Variants in GRID2 observed in about 807,000 individuals in gnomAD.
The protein encoded by GRID2 is glutamate receptor ionotropic, delta-2.
A neutral mutation model predicts 114.8 loss-of-function variants in GRID2; 33 were observed. The observed-to-expected ratio is 0.29, with a 90% CI of 0.22 to 0.38. The LOEUF is 0.38. GRID2 is among the 10% of genes least tolerant of loss of function. GRID2 has a pLI of 1.00. For synonymous variants in GRID2, 505 were observed against 449.9 expected (o/e 1.12, Z -1.55); for missense variants, 1,184 against 1,257.7 (o/e 0.94, Z 0.89).
intron 13 of GRID2, among the ~76,000 whole-genome samples, chr4:93,546,957 G>C (rs1733281323): frequency 6.6e-6 from 1 of 151,992 alleles, no homozygotes; most frequent in Admixed American, 6.6e-5. Flanking sequence ...CTAATCAGAA[G>C]AAATTAATTC....
Position 93,210,118 on chromosome 4 carries a change from C to T in GRID2, c.789+2661C>T, listed in dbSNP as rs185350396. On this transcript the variant is annotated intron_variant, in intron 5 of 15. Coordinates refer to ENST00000282020, the MANE Select transcript of GRID2 (RefSeq NM_001510.4). ...GTTAGTTTAATTCAATTTTGTTTGT[C>T]GATTTTTGCTTTTGTTGCAATTGCT... Among the ~76,000 whole-genome samples, 11 of 151,948 alleles carry T rather than the reference C, an allele frequency of 7.2e-5. No homozygotes were observed. In the East Asian group the frequency reaches 1.2e-3, roughly 16 times the overall value.
chr4:93,580,798 G>C (rs1431153126), intron 13 of GRID2, among the ~76,000 whole-genome samples: 1 of 150,344 alleles, frequency 6.7e-6, no homozygotes, highest in African/African-American at 2.5e-5. Context: ...TTAATATCCA[G>C]TTCTCAAAAC....
At chr4:92,964,498 A>G (rs1293700946) in intron 2 of GRID2, among the ~76,000 whole-genome samples, 1 of 151,976 alleles carries the variant, frequency 6.6e-6, no homozygotes, top group Non-Finnish European at 1.5e-5. Context: ...ATGTATACCT[A>G]TGTAACAAAA....
chr4:93,026,642 G>A (rs780594942), intron 2 of GRID2, among the ~76,000 whole-genome samples: 9 of 151,736 alleles, frequency 5.9e-5, no homozygotes, highest in African/African-American at 9.7e-5. Context: ...CATTTGTGAG[G>A]TGTGCGTGTG....
chr4:92,691,990 G>C (rs1448984992), intron 2 of GRID2, among the ~76,000 whole-genome samples: 3 of 152,076 alleles, frequency 2.0e-5, no homozygotes, highest in Non-Finnish European at 4.4e-5. Flanking sequence ...AAGAACTGTT[G>C]CTTCATTTTA....
At chr4:93,643,928 A>T (rs7378156) in intron 14 of GRID2, among the ~76,000 whole-genome samples, 21,101 of 101,024 alleles carry the variant, frequency 0.21, 6,582 homozygotes, top group East Asian at 0.49. Flanking sequence ...GCCGCCTTGC[A>T]GTTTGATCTC....
intron 2 of GRID2, among the ~76,000 whole-genome samples, chr4:92,816,899 A>T (rs987508457): frequency 1.1e-4 from 16 of 152,176 alleles, no homozygotes; most frequent in African/African-American, 3.9e-4. Flanking sequence ...TATAGTGTGC[A>T]TGTATCTGCA....
At chr4:93,370,467 G>T (rs1416773113) in intron 8 of GRID2, among the ~76,000 whole-genome samples, 1 of 136,842 alleles carries the variant, frequency 7.3e-6, no homozygotes, top group Non-Finnish European at 1.6e-5. Context: ...ACACAAACAC[G>T]CACACAGAGA....
chr4:92,316,143 G>A (rs976387695), intron 1 of GRID2, among the ~76,000 whole-genome samples: 1 of 152,014 alleles, frequency 6.6e-6, no homozygotes, highest in Non-Finnish European at 1.5e-5. Flanking sequence ...TGGTTTAGTG[G>A]CAGTTGCTGT....
intron 2 of GRID2, among the ~76,000 whole-genome samples, chr4:92,868,513 G>C (rs1466897665): frequency 1.3e-5 from 2 of 152,264 alleles, no homozygotes; most frequent in East Asian, 1.9e-4. Context: ...TATTAAAACA[G>C]ATTAGTGGAA....
intron 2 of GRID2, among the ~76,000 whole-genome samples, chr4:92,694,644 T>G (rs576157139): frequency 6.6e-6 from 1 of 152,346 alleles, no homozygotes; most frequent in Admixed American, 6.5e-5. Flanking sequence ...CTTATTAATC[T>G]GACTTTTTCT....
chr4:93,270,561 T>A (rs1480992636), intron 8 of GRID2, among the ~76,000 whole-genome samples: 1 of 152,160 alleles, frequency 6.6e-6, no homozygotes, highest in Non-Finnish European at 1.5e-5. Flanking sequence ...TGGAGAAGAA[T>A]TCAGCCTCAC....
intron 2 of GRID2, among the ~76,000 whole-genome samples, chr4:92,985,731 A>T (rs1277894796): frequency 6.6e-6 from 1 of 152,162 alleles, no homozygotes. Flanking sequence ...CCCAAAGGCG[A>T]ACTGTAACAT....
At chr4:92,785,392 A>G (rs1177448799) in intron 2 of GRID2, among the ~76,000 whole-genome samples, 5 of 151,236 alleles carry the variant, frequency 3.3e-5, no homozygotes, top group Non-Finnish European at 7.4e-5. Context: ...TTAAATAAAT[A>G]TATATTAAAT....
chr4:93,288,978 G>A (rs1318660191), intron 8 of GRID2, among the ~76,000 whole-genome samples: 1 of 152,118 alleles, frequency 6.6e-6, no homozygotes, highest in South Asian at 2.1e-4. Flanking sequence ...TTCAAGACAG[G>A]TATAGTATTT....
intron 2 of GRID2, among the ~76,000 whole-genome samples, chr4:92,788,867 C>T (rs1178317755): frequency 6.6e-6 from 1 of 151,510 alleles, no homozygotes; most frequent in Non-Finnish European, 1.5e-5. Flanking sequence ...AACTTTTTGA[C>T]AATTATATGT....
intron 1 of GRID2, among the ~76,000 whole-genome samples, chr4:92,327,552 A>T (rs1726662441): frequency 1.3e-5 from 2 of 151,978 alleles, no homozygotes. Flanking sequence ...TCCTTGGCCT[A>T]GTGTTATGGA....
chr4:93,470,559 T>C (rs1194780328), intron 11 of GRID2, among the ~76,000 whole-genome samples: 1 of 152,052 alleles, frequency 6.6e-6, no homozygotes, highest in African/African-American at 2.4e-5. Context: ...TGTAGATAAT[T>C]CCATATACCA....
chr4:93,293,703 C>T (rs1345594393), intron 8 of GRID2, among the ~76,000 whole-genome samples: 1 of 152,064 alleles, frequency 6.6e-6, no homozygotes, highest in Admixed American at 6.6e-5. Context: ...AATGGCTAGC[C>T]TCTCAAGGTG....
Sources: allele counts gnomAD v4.1 joint callset (sites outside exome capture counted in the v4.1 genomes callset), GRCh38; gene constraint gnomAD v4.1.1; transcripts MANE v1.5; gene names NCBI Gene and HGNC (gene_info 2026-07-23, HGNC 2026-07-21).